The following PRKAA2 variants were observed in gnomAD, a reference collection of about 807,000 sequenced individuals.
The protein encoded by PRKAA2 is protein kinase AMP-activated catalytic subunit alpha 2.
Under a neutral mutation model 56.3 loss-of-function variants are expected in PRKAA2, and 40 were observed. The ratio of observed to expected loss-of-function variants is 0.71; its 90% confidence interval spans 0.55 to 0.92. The LOEUF is 0.92. PRKAA2 is among the 40% of genes least tolerant of loss of function. The pLI is 0.00. For missense variants in PRKAA2, 542 were observed against 686.9 expected, an observed-to-expected ratio of 0.79 and a Z score of 2.36; for synonymous variants, 214 against 234.2, an observed-to-expected ratio of 0.91 and a Z score of 0.79.
At chr1:56,678,313 A>G (rs2796498) in intron 2 of PRKAA2, among the ~76,000 whole-genome samples, 72,442 of 152,142 alleles carry the variant, frequency 0.48, 17,549 homozygotes, top group East Asian at 0.64. Context: ...TGATTTAAAC[A>G]GAGAGAGCAA....
At chr1:56,648,072 A>G (rs1316643991) in intron 1 of PRKAA2, among the ~76,000 whole-genome samples, 2 of 151,998 alleles carry the variant, frequency 1.3e-5, no homozygotes, top group Non-Finnish European at 1.5e-5. Flanking sequence ...TTATTTAGGT[A>G]TATTTTATAT....
In PRKAA2 at chr1:56,713,506, C is replaced by G. The variant is rs1173000670; in HGVS notation, c.*5793C>G. 6.6e-6 allele frequency: 1 copy of G among 151,648 alleles called. No homozygotes were observed. The highest frequency in any genetic ancestry group is 1.5e-5 in the Non-Finnish European group (1 of 67,924). 9.4% of individuals were successfully genotyped at this position (151,648 alleles called of 1,614,324 possible). On this transcript the variant is annotated 3_prime_UTR_variant, in exon 9 of 9. Transcript: ENST00000371244. Reference sequence around the variant, plus strand: ...ATTACGTTTGAAGTGTAATTAAATCCTAGAATAGAGCACTCTCCAGAAAAA... The same window carrying G: ...ATTACGTTTGAAGTGTAATTAAATCGTAGAATAGAGCACTCTCCAGAAAAA...
chr1:56,650,236 G>A (rs1312386520), intron 1 of PRKAA2, among the ~76,000 whole-genome samples: 1 of 152,114 alleles, frequency 6.6e-6, no homozygotes, highest in East Asian at 1.9e-4. Flanking sequence ...AAAGTATATG[G>A]AAATCTTTGT....
At position 56,692,394 on chromosome 1, in the gene PRKAA2, A is replaced by T. The variant is rs762691181; in HGVS notation, c.367A>T (p.Ile123Phe). 6.2e-7 allele frequency: 1 copy of T among 1,614,048 alleles called. No individual in the cohort carries two copies. The highest frequency in any genetic ancestry group is 8.5e-7 in the Non-Finnish European group (1 of 1,179,974). Residue 123 changes from isoleucine to phenylalanine, a missense_variant, in exon 4 of 9, where the codon ATT becomes TTT. Around this residue, in one of 5 missense-constraint regions of PRKAA2, gnomAD observed 121 missense variants for 210.0 expected, o/e 0.58. Coordinates refer to ENST00000371244, the MANE Select transcript of PRKAA2 (RefSeq NM_006252.4). ...GGAAGCCAGGCGGCTCTTTCAGCAG[A>T]TTCTGTCTGCTGTGGATTACTGTCA... is the stretch of plus-strand genomic sequence containing the variant. ...EMEARRLFQQILSAVDYCHRH... is the reference protein window; with the variant it reads ...EMEARRLFQQFLSAVDYCHRH...
intron 1 of PRKAA2, among the ~76,000 whole-genome samples, chr1:56,653,229 C>T (rs999717642): frequency 6.7e-6 from 1 of 149,976 alleles, no homozygotes; most frequent in Non-Finnish European, 1.5e-5. Flanking sequence ...TAGGTAAATA[C>T]GTGCTATTTA....
At chr1:56,681,144 G>A (rs563137837) in intron 2 of PRKAA2, among the ~76,000 whole-genome samples, 28 of 152,246 alleles carry the variant, frequency 1.8e-4, no homozygotes, top group Admixed American at 9.8e-4. Flanking sequence ...TGTTGGCTGC[G>A]TAAATGTCTT....
At chr1:56,667,655 A>G (rs1644045794) in intron 1 of PRKAA2, among the ~76,000 whole-genome samples, 1 of 152,156 alleles carries the variant, frequency 6.6e-6, no homozygotes. Context: ...ACATCTATAA[A>G]ATTTCCTCAT....
chr1:56,680,332 G>C (rs1386532186), intron 2 of PRKAA2, among the ~76,000 whole-genome samples: 1 of 151,840 alleles, frequency 6.6e-6, no homozygotes, highest in Non-Finnish European at 1.5e-5. Flanking sequence ...CTTAGGAGCA[G>C]GAATTATGGT....
At chr1:56,651,595 A>C (rs948263025) in intron 1 of PRKAA2, among the ~76,000 whole-genome samples, 1 of 152,192 alleles carries the variant, frequency 6.6e-6, no homozygotes, top group African/African-American at 2.4e-5. Context: ...ATAATTTTCT[A>C]TGTCTGCTCA....
At chr1:56,687,392 A>G (rs1644199604) in intron 2 of PRKAA2, among the ~76,000 whole-genome samples, 1 of 152,264 alleles carries the variant, frequency 6.6e-6, no homozygotes, top group South Asian at 2.1e-4. Context: ...AAATATACAT[A>G]TGTAGAGAGA....
intron 2 of PRKAA2, among the ~76,000 whole-genome samples, chr1:56,674,979 A>G (rs1021657647): frequency 6.6e-6 from 1 of 152,116 alleles, no homozygotes; most frequent in Admixed American, 6.6e-5. Flanking sequence ...CACATAGTAT[A>G]TTACTTGTAG....
intron 5 of PRKAA2, among the ~76,000 whole-genome samples, chr1:56,694,677 T>C (rs1043567175): frequency 6.6e-6 from 1 of 151,842 alleles, no homozygotes; most frequent in Admixed American, 6.6e-5. Context: ...CTGGGGTCGC[T>C]CTTATAAGGG....
At chr1:56,654,480 A>G (rs1012611016) in intron 1 of PRKAA2, among the ~76,000 whole-genome samples, 7 of 152,220 alleles carry the variant, frequency 4.6e-5, no homozygotes, top group African/African-American at 1.7e-4. Flanking sequence ...AAATCCTTTA[A>G]GAAATAATGA....
intron 6 of PRKAA2, among the ~76,000 whole-genome samples, chr1:56,697,787 C>T (rs1045584761): frequency 2.6e-5 from 4 of 150,982 alleles, no homozygotes; most frequent in Admixed American, 2.0e-4. Context: ...ACATAGTAAG[C>T]GCCCATCTAT....
chr1:56,683,948 C>A, intron 2 of PRKAA2, among the ~76,000 whole-genome samples: 1 of 152,084 alleles, frequency 6.6e-6, no homozygotes, highest in East Asian at 1.9e-4. Context: ...TACATTTAGA[C>A]TGTAGGTGAG....
In PRKAA2 at chr1:56,713,521, C is replaced by T. The variant is rs1644382719; in HGVS notation, c.*5808C>T. ...TAATTAAATCCTAGAATAGAGCACT[C>T]TCCAGAAAAAAAAATGAAAAAAGAA... On this transcript the variant is annotated 3_prime_UTR_variant, in exon 9 of 9. Transcript: ENST00000371244. 1 of 151,632 alleles carries T rather than the reference C, an allele frequency of 6.6e-6. No homozygotes were observed. Among genetic ancestry groups the T allele is most frequent in the South Asian group, 2.1e-4 (1 of 4,800 alleles). 9.4% of individuals were successfully genotyped at this position (151,632 alleles called of 1,614,324 possible).
chr1:56,665,698 A>G (rs1644030269), intron 1 of PRKAA2, among the ~76,000 whole-genome samples: 1 of 152,170 alleles, frequency 6.6e-6, no homozygotes, highest in Non-Finnish European at 1.5e-5. Flanking sequence ...TGACTAATAC[A>G]TGGCATTGTC....
At chr1:56,675,393 T>C (rs1327409455) in intron 2 of PRKAA2, among the ~76,000 whole-genome samples, 1 of 152,130 alleles carries the variant, frequency 6.6e-6, no homozygotes, top group African/African-American at 2.4e-5. Context: ...ATTTTCCTTA[T>C]TTAATTTAAT....
At chr1:56,706,571 G>A (rs1644333783) in intron 8 of PRKAA2, among the ~76,000 whole-genome samples, 1 of 152,204 alleles carries the variant, frequency 6.6e-6, no homozygotes, top group African/African-American at 2.4e-5. Context: ...TAGTATTATA[G>A]TGTCTAAACT....
Sources: allele counts gnomAD v4.1 joint callset (sites outside exome capture counted in the v4.1 genomes callset), GRCh38; gene constraint gnomAD v4.1.1; regional missense constraint gnomAD v4.1.1; transcripts MANE v1.5; gene names NCBI Gene and HGNC (gene_info 2026-07-23, HGNC 2026-07-21).